The following UGGT2 variants were observed in gnomAD, a reference collection of about 807,000 sequenced individuals.
The protein encoded by UGGT2 is UDP-glucose glycoprotein glucosyltransferase 2, also known as UDP-glucose:glycoprotein glucosyltransferase 2.
Under a neutral mutation model 192.1 loss-of-function variants are expected in UGGT2, and 180 were observed. That is an observed-to-expected ratio of 0.94 (90% CI 0.83 to 1.06). The LOEUF is 1.06. Among genes scored for constraint, UGGT2 ranks in the 50% least tolerant of loss-of-function variants. The probability of loss-of-function intolerance (pLI) is 0.00; values close to 1 mark genes in which losing one functional copy is unlikely to be tolerated. For missense variants in UGGT2, 1,849 were observed against 1,795.7 expected (o/e 1.03, Z -0.54); for synonymous variants, 580 against 591.0 (o/e 0.98, Z 0.27).
At chr13:95,943,674 GTC>G (rs1389894086) in intron 15 of UGGT2, among the ~76,000 whole-genome samples, 1 of 151,952 alleles carries the variant, frequency 6.6e-6, no homozygotes, top group African/African-American at 2.4e-5. Flanking sequence ...AACCTCCTGT[GTC>G]AAATCTCACA....
At chr13:95,831,100 G>A (rs999696937) in intron 38 of UGGT2, among the ~76,000 whole-genome samples, 1 of 151,964 alleles carries the variant, frequency 6.6e-6, no homozygotes, top group Non-Finnish European at 1.5e-5. Context: ...GACACAGGGT[G>A]GGGAACACCA....
intron 1 of UGGT2, among the ~76,000 whole-genome samples, chr13:96,040,267 C>T (rs2053126870): frequency 6.6e-6 from 1 of 152,202 alleles, no homozygotes; most frequent in African/African-American, 2.4e-5. Flanking sequence ...AAGGTGTTGG[C>T]AGGGCTGTGC....
rs568667919 is a variant in UGGT2, at chr13:95,981,084, C to A, written c.1092+2720G>T. ...ATTTTAAACTAAATGTTTCTTATCT[C>A]CTCTACTCGAAGGTCATATCCTCTT... On this transcript the variant is annotated intron_variant, in intron 10 of 38. Coordinates refer to ENST00000376747, the MANE Select transcript of UGGT2 (RefSeq NM_020121.4). Among the ~76,000 whole-genome samples the A allele has an allele frequency of 1.3e-3, 203 of 152,232 alleles. 1 individual carries two copies. The highest frequency in any genetic ancestry group is 4.5e-3 in the African/African-American group (188 of 41,538).
chr13:95,939,701 A>G (rs2049597309), intron 16 of UGGT2, among the ~76,000 whole-genome samples: 1 of 152,126 alleles, frequency 6.6e-6, no homozygotes, highest in Non-Finnish European at 1.5e-5. Context: ...AGTAATTTCA[A>G]GTATAAAATA....
At chr13:95,821,443 T>C (rs1237217805) in intron 38 of UGGT2, among the ~76,000 whole-genome samples, 1 of 152,144 alleles carries the variant, frequency 6.6e-6, no homozygotes, top group Non-Finnish European at 1.5e-5. Flanking sequence ...TATTTTTTTC[T>C]TGCTAATTTG....
intron 38 of UGGT2, among the ~76,000 whole-genome samples, chr13:95,816,685 C>A (rs956708785): frequency 2.6e-5 from 4 of 152,152 alleles, no homozygotes; most frequent in African/African-American, 4.8e-5. Context: ...ACAACTGTTA[C>A]AACAGAAAGC....
At chr13:95,871,791 G>A (rs1235829877) in intron 29 of UGGT2, among the ~76,000 whole-genome samples, 2 of 152,176 alleles carry the variant, frequency 1.3e-5, no homozygotes, top group Non-Finnish European at 2.9e-5. Context: ...GGAGGTATGA[G>A]GAGACCACAC....
At chr13:95,860,935 G>C in intron 31 of UGGT2, 52 bp from the exon 32 acceptor site, 1 of 1,053,580 alleles carries the variant, frequency 9.5e-7, no homozygotes, top group Non-Finnish European at 1.4e-6. Context: ...TGGAAACATT[G>C]TATGCCTAAA....
intron 7 of UGGT2, among the ~76,000 whole-genome samples, chr13:95,993,896 C>T (rs560641315): frequency 6.6e-6 from 1 of 152,122 alleles, no homozygotes; most frequent in African/African-American, 2.4e-5. Flanking sequence ...TTACAGCCAT[C>T]CCCATTCATG....
chr13:96,036,809 G>A (rs563888395), intron 1 of UGGT2, among the ~76,000 whole-genome samples: 14 of 152,246 alleles, frequency 9.2e-5, no homozygotes, highest in African/African-American at 3.1e-4. Flanking sequence ...ACACAGGCTG[G>A]AGTGCAGTGG....
chr13:95,899,147 A>C (rs766417059), intron 22 of UGGT2, among the ~76,000 whole-genome samples: 4 of 152,212 alleles, frequency 2.6e-5, no homozygotes, highest in Non-Finnish European at 5.9e-5. Flanking sequence ...AGCAACAAGG[A>C]GCCATCCTGG....
chr13:95,979,219 A>G (rs1408807190), intron 10 of UGGT2, among the ~76,000 whole-genome samples: 1 of 152,162 alleles, frequency 6.6e-6, no homozygotes, highest in African/African-American at 2.4e-5. Context: ...ACTCACAGCA[A>G]ATTAACAACA....
chr13:95,911,779 CA>C (rs906003013), intron 20 of UGGT2, among the ~76,000 whole-genome samples: 1 of 151,452 alleles, frequency 6.6e-6, no homozygotes, highest in Admixed American at 6.6e-5. Context: ...AGAAACACAA[CA>C]AAAAAAAGAG....
At chr13:95,823,823 T>C (rs1885746646) in intron 38 of UGGT2, among the ~76,000 whole-genome samples, 1 of 152,038 alleles carries the variant, frequency 6.6e-6, no homozygotes, top group Non-Finnish European at 1.5e-5. Flanking sequence ...AGATAAACTG[T>C]TGTTGTTGTG....
intron 17 of UGGT2, among the ~76,000 whole-genome samples, chr13:95,931,057 A>C (rs2049244925): frequency 6.6e-6 from 1 of 152,130 alleles, no homozygotes; most frequent in Non-Finnish European, 1.5e-5. Context: ...CCCCACCCAC[A>C]TCTTGCTGAT....
intron 38 of UGGT2, among the ~76,000 whole-genome samples, chr13:95,824,576 T>C (rs908935824): frequency 5.3e-5 from 8 of 152,178 alleles, no homozygotes; most frequent in African/African-American, 1.4e-4. Flanking sequence ...TTGTAGTCTA[T>C]TGTTGAACCT....
At chr13:95,952,739 G>C (rs897596011) in intron 12 of UGGT2, among the ~76,000 whole-genome samples, 1 of 152,110 alleles carries the variant, frequency 6.6e-6, no homozygotes, top group South Asian at 2.1e-4. Flanking sequence ...GAAAATCATA[G>C]CTTATGAGAT....
intron 12 of UGGT2, among the ~76,000 whole-genome samples, chr13:95,969,571 A>G (rs565443922): frequency 1.3e-5 from 2 of 152,384 alleles, no homozygotes; most frequent in African/African-American, 4.8e-5. Flanking sequence ...GACAAAGGAT[A>G]GTAGTGAAAA....
chr13:95,864,868 A>G (rs1195720326), intron 30 of UGGT2, among the ~76,000 whole-genome samples: 1 of 152,190 alleles, frequency 6.6e-6, no homozygotes, highest in Non-Finnish European at 1.5e-5. Flanking sequence ...GGGTATGAAA[A>G]ATAATTTTTC....
Sources: gnomAD v4.1 joint callset for allele counts (sites outside exome capture counted in the v4.1 genomes callset) on GRCh38, gnomAD v4.1.1 for gene constraint, MANE v1.5 for transcripts, NCBI Gene and HGNC (gene_info 2026-07-23, HGNC 2026-07-21) for gene names.